The following TEAD2 variants were observed in gnomAD, a reference collection of about 807,000 sequenced individuals.
The protein encoded by TEAD2 is transcriptional enhancer factor TEF-4.
A neutral mutation model predicts 61.4 loss-of-function variants in TEAD2; 51 were observed. The observed-to-expected ratio is 0.83, with a 90% CI of 0.66 to 1.05. TEAD2 has a LOEUF of 1.05. Ranked by LOEUF, TEAD2 falls within the 50% of genes least tolerant of loss-of-function variation. The pLI is 0.00. For synonymous variants in TEAD2, 244 were observed against 243.2 expected, an observed-to-expected ratio of 1.00 and a Z score of -0.03; for missense variants, 509 against 600.0, an observed-to-expected ratio of 0.85 and a Z score of 1.58.
chr19:49,356,265 A>G (rs907398742), intron 4 of TEAD2: 1 of 301,032 alleles, frequency 3.3e-6, no homozygotes, highest in African/African-American at 2.2e-5. Flanking sequence ...CGGGAAGACA[A>G]GGTAAATGTT....
Position 49,341,456 on chromosome 19 carries a change from C to T in TEAD2, c.1243-19G>A, listed in dbSNP as rs1971252009. 4.4e-6 allele frequency: 7 copies of T among 1,607,434 alleles called. No homozygotes were observed. The highest frequency in any genetic ancestry group is 6.0e-6 in the Non-Finnish European group (7 of 1,174,290). On this transcript the variant is annotated intron_variant, in intron 12 of 12. Transcript: ENST00000593945. This position sits in a 1 kb window ranked among gnomAD's most constrained non-coding sequence, Gnocchi z 4.2. ...TCACCACCTGCCAGGAAGGCCAGGA[C>T]AAGGGACTTATGCTTAGAAGGGAGG...
Position 49,359,347 on chromosome 19 carries a change from C to T in TEAD2, c.297+88G>A. The T allele has an allele frequency of 8.1e-7, 1 of 1,235,740 alleles. No homozygotes were observed. The allele number at this position is 1,235,740 out of a possible 1,614,324, so 76.5% of individuals were successfully genotyped here. On this transcript the variant is annotated intron_variant, in intron 3 of 12. Coordinates refer to ENST00000593945, the MANE Select transcript of TEAD2 (RefSeq NM_001256660.2). This position sits in a 1 kb window ranked among gnomAD's most constrained non-coding sequence, Gnocchi z 4.1. ...CAGATGAACGCACAGGAAGCAGCTT[C>T]TTCCTTGAACCTGAACCTGCCCATG...
chr19:49,350,236 T>C (rs1971924924), intron 8 of TEAD2, among the ~76,000 whole-genome samples: 1 of 152,174 alleles, frequency 6.6e-6, no homozygotes, highest in Non-Finnish European at 1.5e-5. Flanking sequence ...AGCCGCTGGA[T>C]CCAGCCACGC....
intron 1 of TEAD2, chr19:49,361,972 C>T (rs924572336): frequency 6.5e-6 from 1 of 152,812 alleles, no homozygotes; most frequent in African/African-American, 2.4e-5. Flanking sequence ...GACTTAAGAT[C>T]CAGAAAGCCC....
intron 10 of TEAD2, among the ~76,000 whole-genome samples, chr19:49,346,297 A>C (rs1205074435): frequency 6.6e-6 from 1 of 152,160 alleles, no homozygotes; most frequent in Non-Finnish European, 1.5e-5. Context: ...CTTAGTCCCA[A>C]TCATATAAAT....
chr19:49,347,277 G>C lies in TEAD2; in HGVS notation c.834C>G (p.Ile278Met). The C allele has an allele frequency of 6.2e-7, 1 of 1,614,120 alleles. No individual in the cohort carries two copies. Among genetic ancestry groups the C allele is most frequent in the Non-Finnish European group, 8.5e-7 (1 of 1,180,040 alleles). Residue 278 changes from isoleucine to methionine, a missense_variant, in exon 10 of 13, where the codon ATC (isoleucine) becomes ATG (methionine). Coordinates refer to ENST00000593945, the MANE Select transcript of TEAD2 (RefSeq NM_001256660.2). ...CCTTTTTCTCAGGGAATTTGTCGTA[G>C]ATCTGCCGGACGTCCACACTCTCGA... ...PPLESVDVRQ[I>M]YDKFPEKKGG...
At chr19:49,346,031 C>T (rs77766480) in intron 10 of TEAD2, among the ~76,000 whole-genome samples, 4 of 151,146 alleles carry the variant, frequency 2.6e-5, no homozygotes, top group East Asian at 2.0e-4. Context: ...TGGGCATGGT[C>T]GTGCATGCCT....
At position 49,357,241 on chromosome 19, in the gene TEAD2, T is replaced by C. The variant is rs1972468816; in HGVS notation, c.360+11A>G. On this transcript the variant is annotated intron_variant, in intron 4 of 12. Transcript: ENST00000593945. ...CTGTCCCCCTCTCAGGATGTCTGCATTGGTCCCTACCTTCAACTTGGACTG... is the reference window on the plus strand; with the variant it reads ...CTGTCCCCCTCTCAGGATGTCTGCACTGGTCCCTACCTTCAACTTGGACTG... 2 of 1,465,306 alleles carry C rather than the reference T, an allele frequency of 1.4e-6. No individual in the cohort carries two copies. Among genetic ancestry groups the C allele is most frequent in the Admixed American group, 3.5e-5 (2 of 56,616 alleles). The allele number at this position is 1,465,306 out of a possible 1,614,324, so 90.8% of individuals were successfully genotyped here.
chr19:49,353,970 TGGTG>T (rs1568573148), intron 7 of TEAD2, among the ~76,000 whole-genome samples: 4 of 140,092 alleles, frequency 2.9e-5, no homozygotes, highest in South Asian at 2.4e-4. Flanking sequence ...TTTTTTTTTT[TGGTG>T]TTTTTAGTAG....
At position 49,341,158 on chromosome 19, in the gene TEAD2, T is replaced by G; in HGVS notation, c.*166A>C. The G allele has an allele frequency of 3.2e-6, 2 of 619,940 alleles. No individual in the cohort carries two copies. The highest frequency in any genetic ancestry group is 5.6e-6 in the Non-Finnish European group (2 of 355,194). The allele number at this position is 619,940 out of a possible 1,614,324, so 38.4% of individuals were successfully genotyped here. Reference sequence around the variant, plus strand: ...CAGCCTGTTCAGCTCTCCAACCAAGTTTTGGGGGCCCCTCTAATGGGGGGG... The same window carrying G: ...CAGCCTGTTCAGCTCTCCAACCAAGGTTTGGGGGCCCCTCTAATGGGGGGG... On this transcript the variant is annotated 3_prime_UTR_variant, in exon 13 of 13. Coordinates refer to ENST00000593945, the MANE Select transcript of TEAD2 (RefSeq NM_001256660.2). The surrounding 1 kb of genome is among the most constrained non-coding windows in gnomAD (Gnocchi z 4.2).
In TEAD2 at chr19:49,343,257, C is replaced by T. The variant is rs747398213; in HGVS notation, c.1063G>A (p.Gly355Ser). ...TCCACCTTCTCCACCACCTGCTTGC[C>T]AAAAGAGCAGACCTTGGAGGAACAG... ...LTCSSKVCSF[G>S]KQVVEKVETE... Residue 355 changes from glycine to serine, a missense_variant, in exon 11 of 13, where the codon GGC (glycine) becomes AGC (serine). Coordinates refer to ENST00000593945, the MANE Select transcript of TEAD2 (RefSeq NM_001256660.2). 6.2e-7 allele frequency: 1 copy of T among 1,613,050 alleles called. No individual in the cohort carries two copies. Among genetic ancestry groups the T allele is most frequent in the South Asian group, 1.1e-5 (1 of 90,920 alleles).
At position 49,341,492 on chromosome 19, in the gene TEAD2, C is replaced by G; in HGVS notation, c.1243-55G>C. On this transcript the variant is annotated intron_variant, in intron 12 of 12. Transcript: ENST00000593945. The surrounding 1 kb of genome is among the most constrained non-coding windows in gnomAD (Gnocchi z 4.2). Reference sequence around the variant, plus strand: ...TGCTTAGAAGGGAGGGCAGGGACCCCTGTGCCCCCCTGCCAAGCTATCATG... The same window carrying G: ...TGCTTAGAAGGGAGGGCAGGGACCCGTGTGCCCCCCTGCCAAGCTATCATG... The G allele has an allele frequency of 7.1e-7, 1 of 1,414,858 alleles. No individual in the cohort carries two copies. The highest frequency in any genetic ancestry group is 1.2e-5 in the South Asian group (1 of 86,094). The allele number at this position is 1,414,858 out of a possible 1,614,324, so 87.6% of individuals were successfully genotyped here. A position where few individuals can be genotyped will look rare whatever the true frequency, so the allele number is the denominator to read the frequency against.
chr19:49,348,581 A>G, intron 9 of TEAD2, 122 bp downstream of exon 9: 1 of 930,170 alleles, frequency 1.1e-6, no homozygotes, highest in South Asian at 1.4e-5. Flanking sequence ...TCTCTGTTTT[A>G]AGAAGCCCTT....
intron 10 of TEAD2, among the ~76,000 whole-genome samples, chr19:49,343,659 A>T (rs1291813024): frequency 6.6e-6 from 1 of 150,938 alleles, no homozygotes; most frequent in East Asian, 2.0e-4. Flanking sequence ...AATCACTTGA[A>T]CCCGGGAGGC....
intron 9 of TEAD2, among the ~76,000 whole-genome samples, chr19:49,348,271 G>A (rs1971777922): frequency 6.6e-6 from 1 of 152,238 alleles, no homozygotes; most frequent in Admixed American, 6.5e-5. Flanking sequence ...CTAACAGTCG[G>A]CCCACTCCAT....
In TEAD2 at chr19:49,341,489, C is replaced by T. The variant is rs553459432; in HGVS notation, c.1243-52G>A. ...TTATGCTTAGAAGGGAGGGCAGGGA[C>T]CCCTGTGCCCCCCTGCCAAGCTATC... On this transcript the variant is annotated intron_variant, in intron 12 of 12. Transcript: ENST00000593945. The surrounding 1 kb of genome is among the most constrained non-coding windows in gnomAD (Gnocchi z 4.2). 2.1e-6 allele frequency: 3 copies of T among 1,402,552 alleles called. No homozygotes were observed. The highest frequency in any genetic ancestry group is 2.8e-5 in the African/African-American group (2 of 70,820). The allele number at this position is 1,402,552 out of a possible 1,614,324, so 86.9% of individuals were successfully genotyped here.
At position 49,357,989 on chromosome 19, in the gene TEAD2, T is replaced by C. The variant is rs1972516467; in HGVS notation, c.298-675A>G. The stretch of plus-strand genomic sequence containing the variant: ...GTGGCTCAGCTGTAATCCCAGCACT[T>C]TGGGAGGCCGAGGCGGGTGGATCAC... On this transcript the variant is annotated intron_variant, in intron 3 of 12. Coordinates refer to ENST00000593945, the MANE Select transcript of TEAD2 (RefSeq NM_001256660.2). Among the ~76,000 whole-genome samples, 3 of 152,070 alleles carry C rather than the reference T, an allele frequency of 2.0e-5. No individual in the cohort carries two copies. The South Asian group carries it at 6.2e-4, about 32-fold the overall frequency.
Position 49,355,974 on chromosome 19 carries a change from C to T in TEAD2, c.361-4G>A. 1 of 1,252,688 alleles carries T rather than the reference C, an allele frequency of 8.0e-7. No homozygotes were observed. Among genetic ancestry groups the T allele is most frequent in the Non-Finnish European group, 1.0e-6 (1 of 998,356 alleles). The allele number at this position is 1,252,688 out of a possible 1,614,324, so 77.6% of individuals were successfully genotyped here. A position where few individuals can be genotyped will look rare whatever the true frequency, so the allele number is the denominator to read the frequency against. Reference sequence around the variant, plus strand: ...AGGAACTTACCACGTTCAGAGCCTGCCCGTGGGGGTGGGGGAGGGTGCCAA... The same window carrying T: ...AGGAACTTACCACGTTCAGAGCCTGTCCGTGGGGGTGGGGGAGGGTGCCAA... On this transcript the variant is annotated splice_polypyrimidine_tract_variant and splice_region_variant and intron_variant, in intron 4 of 12. Transcript: ENST00000593945.
chr19:49,355,551 G>T, intron 5 of TEAD2, 132 bp from the exon 6 acceptor site: 1 of 737,006 alleles, frequency 1.4e-6, no homozygotes, highest in South Asian at 1.7e-5. Flanking sequence ...TAGTGGCCGG[G>T]CATGGTGGCT....
Sources: allele counts gnomAD v4.1 joint callset (sites outside exome capture counted in the v4.1 genomes callset), GRCh38; gene constraint gnomAD v4.1.1; non-coding constraint Gnocchi (gnomAD v3.1); transcripts MANE v1.5; gene names NCBI Gene and HGNC (gene_info 2026-07-23, HGNC 2026-07-21).